Variants in PPP1R16B observed in about 807,000 individuals in gnomAD.
PPP1R16B encodes protein phosphatase 1 regulatory subunit 16B.
Under a neutral mutation model 61.7 loss-of-function variants are expected in PPP1R16B, and 14 were observed. That is an observed-to-expected ratio of 0.23 (90% CI 0.15 to 0.35). The LOEUF is 0.35. PPP1R16B is among the 10% of genes least tolerant of loss of function. PPP1R16B has a pLI of 1.00. For missense variants in PPP1R16B, 547 were observed against 752.5 expected, an observed-to-expected ratio of 0.73 and a Z score of 3.19; for synonymous variants, 266 against 305.3, an observed-to-expected ratio of 0.87 and a Z score of 1.34.
intron 1 of PPP1R16B, among the ~76,000 whole-genome samples, chr20:38,830,547 CA>C (rs1476266811): frequency 1.3e-5 from 2 of 152,088 alleles, no homozygotes; most frequent in Admixed American, 6.5e-5. Context: ...CCACAGGAAA[CA>C]AAACAATGTT....
chr20:38,910,313 A>G (rs750282657), intron 10 of PPP1R16B, among the ~76,000 whole-genome samples: 3 of 152,094 alleles, frequency 2.0e-5, no homozygotes, highest in Non-Finnish European at 4.4e-5. Context: ...ATTTTCAACA[A>G]CCTTTTACAA....
chr20:38,878,551 A>G (rs776196590), intron 2 of PPP1R16B, among the ~76,000 whole-genome samples: 3 of 152,250 alleles, frequency 2.0e-5, no homozygotes, highest in Non-Finnish European at 4.4e-5. Flanking sequence ...CAACCAGACT[A>G]GAATTTGAGT....
At chr20:38,827,853 C>T (rs1415171349) in intron 1 of PPP1R16B, among the ~76,000 whole-genome samples, 1 of 152,026 alleles carries the variant, frequency 6.6e-6, no homozygotes, top group African/African-American at 2.4e-5. Flanking sequence ...GGTGTACATC[C>T]TTTAGGAGAG....
intron 2 of PPP1R16B, among the ~76,000 whole-genome samples, chr20:38,846,554 T>C (rs1028124110): frequency 2.0e-5 from 3 of 152,250 alleles, no homozygotes; most frequent in African/African-American, 7.2e-5. Context: ...CTTATCTTTA[T>C]ATACTCTTTG....
Position 38,889,483 on chromosome 20 carries a change from T to A in PPP1R16B, c.251-112T>A, listed in dbSNP as rs181293535. 5.5e-4 allele frequency: 494 copies of A among 901,864 alleles called. 2 individuals carry two copies. In the African/African-American group the frequency reaches 7.3e-3, roughly 13 times the overall value. The allele number at this position is 901,864 out of a possible 1,614,324, so 55.9% of individuals were successfully genotyped here. On this transcript the variant is annotated intron_variant, in intron 2 of 10. Coordinates refer to ENST00000299824, the MANE Select transcript of PPP1R16B (RefSeq NM_015568.4). ...GTTGTCTCATCTGTAAAATGGGGAG[T>A]TGTTACTACATTCTTCATAGGCCTG...
At chr20:38,899,036 A>C (rs1601301847) in intron 4 of PPP1R16B, among the ~76,000 whole-genome samples, 1 of 152,174 alleles carries the variant, frequency 6.6e-6, no homozygotes, top group Non-Finnish European at 1.5e-5. Context: ...TGATCATCTG[A>C]GGGCAAGGAG....
At chr20:38,909,568 T>C (rs1046306270) in intron 10 of PPP1R16B, among the ~76,000 whole-genome samples, 2 of 152,220 alleles carry the variant, frequency 1.3e-5, no homozygotes, top group African/African-American at 4.8e-5. Flanking sequence ...AAGTTAACTG[T>C]ACCAGAAGTG....
At chr20:38,819,613 G>A (rs1302311986) in intron 1 of PPP1R16B, among the ~76,000 whole-genome samples, 1 of 152,176 alleles carries the variant, frequency 6.6e-6, no homozygotes, top group Non-Finnish European at 1.5e-5. Context: ...TCCTGGAGAA[G>A]CAGCAGCACT....
rs2084661416 is a variant in PPP1R16B at position 38,806,379 on chromosome 20, A to C, written c.-102+587A>C. Among the ~76,000 whole-genome samples the C allele has an allele frequency of 1.3e-5, 2 of 151,844 alleles. No homozygotes were observed. Among genetic ancestry groups the C allele is most frequent in the Admixed American group, 6.5e-5 (1 of 15,276 alleles). On this transcript the variant is annotated intron_variant, in intron 1 of 10. Transcript: ENST00000299824. This position sits in a 1 kb window ranked among gnomAD's most constrained non-coding sequence, Gnocchi z 4.5. ...CCCGCCTCAGGATCCGGCTGACAGC[A>C]CCAGCCAGCCCGGGGAGACCCCGCG...
At chr20:38,898,811 A>AAACAACAACAAC (rs145367321) in intron 4 of PPP1R16B, among the ~76,000 whole-genome samples, 16,414 of 150,096 alleles carry the variant, frequency 0.11, 954 homozygotes, top group East Asian at 0.22. Context: ...CCTTGTTTCA[A>AAACAACAACAAC]AACAACAACA....
At chr20:38,823,021 C>T (rs908902315) in intron 1 of PPP1R16B, among the ~76,000 whole-genome samples, 15 of 152,022 alleles carry the variant, frequency 9.9e-5, no homozygotes, top group Admixed American at 4.6e-4. Context: ...GAGAGGGAAG[C>T]GGAGGTATGC....
chr20:38,873,547 G>A (rs2085144696), intron 2 of PPP1R16B, among the ~76,000 whole-genome samples: 1 of 152,152 alleles, frequency 6.6e-6, no homozygotes, highest in South Asian at 2.1e-4. Flanking sequence ...TCAGGAGGCT[G>A]TCGTCAATAT....
At chr20:38,820,279 C>T (rs1025596556) in intron 1 of PPP1R16B, among the ~76,000 whole-genome samples, 2 of 152,192 alleles carry the variant, frequency 1.3e-5, no homozygotes, top group Non-Finnish European at 2.9e-5. Flanking sequence ...AAATTGCTGG[C>T]CGGGCGCAGT....
intron 1 of PPP1R16B, among the ~76,000 whole-genome samples, chr20:38,809,612 C>T (rs62202499): frequency 0.034 from 5,185 of 152,064 alleles, 106 homozygotes; most frequent in Non-Finnish European, 0.05. Flanking sequence ...TGGACAGAGG[C>T]CTTACCTCTC....
intron 4 of PPP1R16B, among the ~76,000 whole-genome samples, chr20:38,899,919 C>T (rs2085378562): frequency 6.6e-6 from 1 of 152,054 alleles, no homozygotes; most frequent in Non-Finnish European, 1.5e-5. Flanking sequence ...GCCTCAGCCT[C>T]CCGAATAGCT....
chr20:38,870,338 G>A (rs2085120393), intron 2 of PPP1R16B, among the ~76,000 whole-genome samples: 1 of 152,126 alleles, frequency 6.6e-6, no homozygotes, highest in Admixed American at 6.5e-5. Context: ...ACTATAGGGG[G>A]AAACTACAAG....
intron 2 of PPP1R16B, among the ~76,000 whole-genome samples, chr20:38,869,757 T>G (rs945136127): frequency 2.6e-5 from 4 of 152,000 alleles, no homozygotes; most frequent in East Asian, 1.9e-4. Context: ...TGGAAAGTCA[T>G]GTCCTGGCCT....
At chr20:38,837,840 G>GC (rs1568657886) in intron 2 of PPP1R16B, among the ~76,000 whole-genome samples, 1 of 152,134 alleles carries the variant, frequency 6.6e-6, no homozygotes, top group Non-Finnish European at 1.5e-5. Flanking sequence ...GAGTCACTGT[G>GC]CCTGGCCTAT....
At chr20:38,870,442 G>A (rs1382826428) in intron 2 of PPP1R16B, among the ~76,000 whole-genome samples, 1 of 152,200 alleles carries the variant, frequency 6.6e-6, no homozygotes, top group Non-Finnish European at 1.5e-5. Flanking sequence ...GACAGTGTGT[G>A]TATAGGAAGG....
Sources: allele counts gnomAD v4.1 joint callset (sites outside exome capture counted in the v4.1 genomes callset), GRCh38; gene constraint gnomAD v4.1.1; non-coding constraint Gnocchi (gnomAD v3.1); transcripts MANE v1.5; gene names NCBI Gene and HGNC (gene_info 2026-07-23, HGNC 2026-07-21).